CDH13: variants seen among roughly 807,000 people sequenced by gnomAD.
CDH13 encodes cadherin-13.
In CDH13, 24 loss-of-function variants were observed where a neutral mutation model predicts 63.8. That is an observed-to-expected ratio of 0.38 (90% CI 0.27 to 0.53). CDH13 has a LOEUF of 0.53. Ranked by LOEUF, CDH13 falls within the 20% of genes least tolerant of loss-of-function variation. The pLI, the probability that CDH13 is intolerant of heterozygous loss-of-function variation, is 0.85. For missense variants in CDH13, 1,049 were observed against 903.1 expected (o/e 1.16, Z -2.07); for synonymous variants, 503 against 355.3 (o/e 1.42, Z -4.67).
chr16:82,704,884 C>T (rs182396585), intron 1 of CDH13, among the ~76,000 whole-genome samples: 30 of 152,206 alleles, frequency 2.0e-4, no homozygotes, highest in Admixed American at 1.4e-3. Context: ...AGCCATAACA[C>T]GCAAAAGCAA....
Position 83,218,302 on chromosome 16 carries a change from C to G in CDH13, c.636+805C>G, listed in dbSNP as rs1224702729. ...AAAGTCCCCACCCTCCAGCAGAACC[C>G]TTACTGGGCAATGCGCTCAAGGGTC... On this transcript the variant is annotated intron_variant, in intron 5 of 13. Transcript: ENST00000567109. Among the ~76,000 whole-genome samples, 8 of 152,128 alleles carry G rather than the reference C, an allele frequency of 5.3e-5. No homozygotes were observed. In the South Asian group the frequency reaches 1.7e-3, roughly 32 times the overall value.
intron 10 of CDH13, among the ~76,000 whole-genome samples, chr16:83,708,985 C>T (rs546398049): frequency 3.3e-5 from 5 of 152,272 alleles, no homozygotes; most frequent in African/African-American, 7.2e-5. Flanking sequence ...GATCATGCCA[C>T]TGCCCTCTAG....
At chr16:82,984,478 C>T (rs546897028) in intron 2 of CDH13, among the ~76,000 whole-genome samples, 102 of 152,124 alleles carry the variant, frequency 6.7e-4, no homozygotes, top group Non-Finnish European at 9.7e-4. Context: ...CAGATTTCTT[C>T]GCTGTAAAAT....
chr16:83,745,201 C>T (rs546017946), intron 10 of CDH13, among the ~76,000 whole-genome samples: 2 of 152,126 alleles, frequency 1.3e-5, no homozygotes, highest in Non-Finnish European at 2.9e-5. Flanking sequence ...GGCTGCACCC[C>T]GAGGCTGTTT....
intron 2 of CDH13, among the ~76,000 whole-genome samples, chr16:82,864,725 G>C (rs1222372605): frequency 6.6e-6 from 1 of 152,112 alleles, no homozygotes; most frequent in Non-Finnish European, 1.5e-5. Flanking sequence ...TCCGCCCCTG[G>C]TTCCTCCCAA....
At chr16:82,893,361 T>C (rs1239751294) in intron 2 of CDH13, among the ~76,000 whole-genome samples, 1 of 152,236 alleles carries the variant, frequency 6.6e-6, no homozygotes, top group Non-Finnish European at 1.5e-5. Context: ...GAAGTATTAA[T>C]AACATGCCGA....
intron 5 of CDH13, among the ~76,000 whole-genome samples, chr16:83,277,195 A>T (rs2089018852): frequency 6.6e-6 from 1 of 152,202 alleles, no homozygotes; most frequent in Admixed American, 6.5e-5. Context: ...GAAGAAAGGC[A>T]GGATAATCAA....
chr16:83,036,165 T>TTC (rs1555567836), intron 3 of CDH13, among the ~76,000 whole-genome samples: 3 of 147,990 alleles, frequency 2.0e-5, no homozygotes, highest in Middle Eastern at 3.2e-3. Flanking sequence ...TTTTTTTTTT[T>TTC]TGAGATAGGG....
At chr16:82,850,924 T>C (rs893579118) in intron 1 of CDH13, among the ~76,000 whole-genome samples, 1 of 152,228 alleles carries the variant, frequency 6.6e-6, no homozygotes, top group African/African-American at 2.4e-5. Flanking sequence ...GGCTACATTA[T>C]AGTATAAACA....
rs538404150 is a variant in CDH13 at position 82,816,137 on chromosome 16, T to G, written c.46-42225T>G. Among the ~76,000 whole-genome samples the G allele has an allele frequency of 2.0e-5, 3 of 152,242 alleles. No individual in the cohort carries two copies. In the South Asian group the frequency reaches 6.2e-4, roughly 32 times the overall value. The stretch of plus-strand genomic sequence containing the variant: ...GGTGCCCAAAGGACAGCTCCCCCAG[T>G]GACCTCAGGGTCAGCCTCTCTCTTA... On this transcript the variant is annotated intron_variant, in intron 1 of 13. Coordinates refer to ENST00000567109, the MANE Select transcript of CDH13 (RefSeq NM_001257.5).
intron 6 of CDH13, among the ~76,000 whole-genome samples, chr16:83,348,875 AATT>A (rs910662275): frequency 9.2e-5 from 14 of 152,212 alleles, no homozygotes; most frequent in African/African-American, 3.4e-4. Context: ...TTAACAGTGC[AATT>A]ATTATTTTTA....
intron 5 of CDH13, among the ~76,000 whole-genome samples, chr16:83,242,518 G>A (rs1414463196): frequency 6.6e-6 from 1 of 152,172 alleles, no homozygotes; most frequent in African/African-American, 2.4e-5. Flanking sequence ...GGAGAGGGTG[G>A]AATGGCTGTC....
chr16:83,692,593 A>G (rs1905019525), intron 10 of CDH13, among the ~76,000 whole-genome samples: 1 of 152,142 alleles, frequency 6.6e-6, no homozygotes, highest in Admixed American at 6.5e-5. Context: ...TCTGTCATAA[A>G]CTTCCTTATT....
At chr16:83,687,074 A>T (rs1471326618) in intron 10 of CDH13, among the ~76,000 whole-genome samples, 1 of 152,108 alleles carries the variant, frequency 6.6e-6, no homozygotes, top group Non-Finnish European at 1.5e-5. Flanking sequence ...TTAGCCAGGC[A>T]TGGTGGTGCT....
At chr16:83,517,772 C>G (rs2074732412) in intron 7 of CDH13, among the ~76,000 whole-genome samples, 1 of 152,136 alleles carries the variant, frequency 6.6e-6, no homozygotes, top group Non-Finnish European at 1.5e-5. Flanking sequence ...TGATTAGGAA[C>G]AAAGTGAGAT....
chr16:83,068,726 A>T (rs1033918942), intron 3 of CDH13, among the ~76,000 whole-genome samples: 3 of 152,230 alleles, frequency 2.0e-5, no homozygotes, highest in African/African-American at 7.2e-5. Context: ...TGGCATAAAA[A>T]GGTTGGGAAT....
intron 6 of CDH13, among the ~76,000 whole-genome samples, chr16:83,476,579 A>G (rs1380595743): frequency 6.6e-6 from 1 of 152,206 alleles, no homozygotes; most frequent in African/African-American, 2.4e-5. Flanking sequence ...AGGCTGAGGC[A>G]TGAGAATCAC....
chr16:83,282,562 G>C (rs1289158140), intron 5 of CDH13, among the ~76,000 whole-genome samples: 1 of 152,142 alleles, frequency 6.6e-6, no homozygotes, highest in East Asian at 1.9e-4. Flanking sequence ...GAGATCATAA[G>C]GTTATAAAAC....
Position 82,809,558 on chromosome 16 carries a change from C to A in CDH13, c.46-48804C>A, listed in dbSNP as rs542335875. Among the ~76,000 whole-genome samples the A allele has an allele frequency of 3.9e-5, 6 of 152,202 alleles. No homozygotes were observed. The South Asian group carries it at 1.2e-3, about 32-fold the overall frequency. ...CAGAATACTAACCCTGAAATCAGGTCTGAGTTTACAGCCATTATATCTTTC... is the reference window on the plus strand; with the variant it reads ...CAGAATACTAACCCTGAAATCAGGTATGAGTTTACAGCCATTATATCTTTC... On this transcript the variant is annotated intron_variant, in intron 1 of 13. Coordinates refer to ENST00000567109, the MANE Select transcript of CDH13 (RefSeq NM_001257.5).
Sources: gnomAD v4.1 joint callset for allele counts (sites outside exome capture counted in the v4.1 genomes callset) on GRCh38, gnomAD v4.1.1 for gene constraint, MANE v1.5 for transcripts, NCBI Gene and HGNC (gene_info 2026-07-23, HGNC 2026-07-21) for gene names.